The following C8orf34 variants were observed in gnomAD, a reference collection of about 807,000 sequenced individuals.
C8orf34 encodes the protein uncharacterized protein C8orf34.
C8orf34 carries 65 observed loss-of-function variants against 68.3 expected under a neutral mutation model. That is an observed-to-expected ratio of 0.95 (90% CI 0.78 to 1.17). C8orf34 has a LOEUF of 1.17. C8orf34 is among the 50% of genes most tolerant of loss of function. The pLI, the probability that C8orf34 is intolerant of heterozygous loss-of-function variation, is 0.00. For missense variants in C8orf34, 664 were observed against 655.4 expected, an observed-to-expected ratio of 1.01 and a Z score of -0.14; for synonymous variants, 244 against 241.2, an observed-to-expected ratio of 1.01 and a Z score of -0.11.
intron 7 of C8orf34, among the ~76,000 whole-genome samples, chr8:68,576,289 T>A (rs1816904979): frequency 6.6e-6 from 1 of 151,738 alleles, no homozygotes; most frequent in Non-Finnish European, 1.5e-5. Context: ...AACCTTTCCC[T>A]GAGGATTTGG....
At chr8:68,737,368 A>G (rs1822150840) in intron 10 of C8orf34, among the ~76,000 whole-genome samples, 1 of 152,048 alleles carries the variant, frequency 6.6e-6, no homozygotes, top group African/African-American at 2.4e-5. Context: ...GAGAGGCAGT[A>G]TTGTTTATCA....
chr8:68,428,260 T>A (rs1267993897), intron 1 of C8orf34, among the ~76,000 whole-genome samples: 1 of 151,928 alleles, frequency 6.6e-6, no homozygotes, highest in Non-Finnish European at 1.5e-5. Context: ...AGATGGATGG[T>A]TGGAGATCAA....
At position 68,518,399 on chromosome 8, in the gene C8orf34, T is replaced by C. The variant is rs117848537; in HGVS notation, c.766-3400T>C. 8.9e-3 allele frequency among the ~76,000 whole-genome samples: 1,350 copies of C among 152,220 alleles called. 10 individuals carry two copies. Among genetic ancestry groups the C allele is most frequent in the Non-Finnish European group, 0.013 (896 of 68,010 alleles). Reference sequence around the variant, plus strand: ...ACTTTACATGTTTGTATCTCTTCCCTCAAAATAAACAGAATAGCAATGAAA... The same window carrying C: ...ACTTTACATGTTTGTATCTCTTCCCCCAAAATAAACAGAATAGCAATGAAA... On this transcript the variant is annotated intron_variant, in intron 5 of 13. Transcript: ENST00000518698.
intron 8 of C8orf34, among the ~76,000 whole-genome samples, chr8:68,659,974 AT>A (rs1254588166): frequency 1.3e-5 from 2 of 152,144 alleles, no homozygotes; most frequent in African/African-American, 4.8e-5. Flanking sequence ...TGACAAATAA[AT>A]TTTTTTATTC....
intron 10 of C8orf34, among the ~76,000 whole-genome samples, chr8:68,745,303 A>G (rs1822450790): frequency 6.6e-6 from 1 of 152,188 alleles, no homozygotes; most frequent in Non-Finnish European, 1.5e-5. Context: ...AAGACCATCG[A>G]GACTAGGAAG....
intron 11 of C8orf34, among the ~76,000 whole-genome samples, chr8:68,779,936 G>A (rs928688928): frequency 6.6e-6 from 1 of 151,986 alleles, no homozygotes; most frequent in Non-Finnish European, 1.5e-5. Flanking sequence ...TTGTAATCAT[G>A]GCACTCAGAC....
chr8:68,515,189 TTTAA>T (rs976891932), intron 5 of C8orf34, among the ~76,000 whole-genome samples: 19 of 152,116 alleles, frequency 1.2e-4, no homozygotes, highest in Non-Finnish European at 2.4e-4. Flanking sequence ...CAAAAAGTAG[TTTAA>T]TTATTTGGGA....
At position 68,439,579 on chromosome 8, in the gene C8orf34, G is replaced by A. The variant is rs1231322530; in HGVS notation, c.408G>A (p.Gly136=). The change falls in exon 2 of 14, where the codon GGG becomes GGA. Residue 136 remains glycine (G), a synonymous_variant. Transcript: ENST00000518698. Reference sequence around the variant, plus strand: ...TTGACCATCTTCAGTCTAAACAAGGGAACCGTGGACAACTTCAAAGAACTT... The same window carrying A: ...TTGACCATCTTCAGTCTAAACAAGGAAACCGTGGACAACTTCAAAGAACTT... ...FLIDHLQSKQ[G]NRGQLQRTLS... The A allele has an allele frequency of 6.2e-7, 1 of 1,613,618 alleles. No individual in the cohort carries two copies. Among genetic ancestry groups the A allele is most frequent in the Non-Finnish European group, 8.5e-7 (1 of 1,179,730 alleles).
intron 12 of C8orf34, chr8:68,791,598 C>A (rs554546466): frequency 1.6e-3 from 238 of 152,248 alleles, no homozygotes; most frequent in African/African-American, 5.4e-3. Context: ...AACAACCAAA[C>A]CAAACCAAAC....
intron 7 of C8orf34, among the ~76,000 whole-genome samples, chr8:68,543,952 C>T (rs181114875): frequency 1.3e-5 from 2 of 152,206 alleles, no homozygotes; most frequent in East Asian, 1.9e-4. Flanking sequence ...CTCTGTGTTT[C>T]ACCCCGGCTT....
chr8:68,344,991 A>G (rs1806221410), intron 1 of C8orf34, among the ~76,000 whole-genome samples: 1 of 152,206 alleles, frequency 6.6e-6, no homozygotes, highest in South Asian at 2.1e-4. Flanking sequence ...AGTTAAATTA[A>G]CAAGTCAAGA....
At chr8:68,698,337 A>G (rs1820894851) in intron 8 of C8orf34, among the ~76,000 whole-genome samples, 1 of 152,110 alleles carries the variant, frequency 6.6e-6, no homozygotes, top group Admixed American at 6.6e-5. Flanking sequence ...AAATCTTATC[A>G]AAAGGAAAAA....
intron 5 of C8orf34, among the ~76,000 whole-genome samples, chr8:68,501,368 C>T (rs144427249): frequency 1.5e-3 from 222 of 152,228 alleles, no homozygotes; most frequent in African/African-American, 5.1e-3. Flanking sequence ...GTGTCCTGGG[C>T]GCCCCGGCTT....
At chr8:68,460,908 A>G (rs1275864295) in intron 3 of C8orf34, among the ~76,000 whole-genome samples, 3 of 152,248 alleles carry the variant, frequency 2.0e-5, no homozygotes, top group African/African-American at 7.2e-5. Context: ...AAAGGAACGC[A>G]GTTCCTCACC....
At chr8:68,721,650 TA>T (rs34397705) in intron 10 of C8orf34, among the ~76,000 whole-genome samples, 1 of 151,976 alleles carries the variant, frequency 6.6e-6, no homozygotes, top group Admixed American at 6.6e-5. Context: ...GTGAGCATGC[TA>T]AAAGGTTATG....
intron 8 of C8orf34, among the ~76,000 whole-genome samples, chr8:68,647,015 C>G (rs1583423): frequency 0.15 from 22,284 of 152,008 alleles, 2,433 homozygotes; most frequent in East Asian, 0.55. Flanking sequence ...AACCCACAGA[C>G]TGGGAGAAAA....
At chr8:68,610,443 C>T (rs1309945240) in intron 7 of C8orf34, among the ~76,000 whole-genome samples, 1 of 152,030 alleles carries the variant, frequency 6.6e-6, no homozygotes, top group East Asian at 1.9e-4. Flanking sequence ...AGGGGATAAT[C>T]GAATGCATGT....
At chr8:68,571,763 C>T (rs1816765279) in intron 7 of C8orf34, among the ~76,000 whole-genome samples, 1 of 152,112 alleles carries the variant, frequency 6.6e-6, no homozygotes. Context: ...AGTTACATTG[C>T]TTTCATTGAT....
chr8:68,515,684 G>A (rs534798011), intron 5 of C8orf34, among the ~76,000 whole-genome samples: 1 of 152,246 alleles, frequency 6.6e-6, no homozygotes, highest in East Asian at 1.9e-4. Flanking sequence ...TTAATGTATT[G>A]ACTAGTAAGA....
Sources: gnomAD v4.1 joint callset for allele counts (sites outside exome capture counted in the v4.1 genomes callset) on GRCh38, gnomAD v4.1.1 for gene constraint, MANE v1.5 for transcripts, NCBI Gene and HGNC (gene_info 2026-07-23, HGNC 2026-07-21) for gene names.